Variants in RPTOR observed in about 807,000 individuals in gnomAD.
RPTOR encodes regulatory-associated protein of mTOR.
RPTOR carries 21 observed loss-of-function variants against 169.9 expected under a neutral mutation model. The observed-to-expected ratio is 0.12, with a 90% confidence interval of 0.09 to 0.18. RPTOR has a LOEUF of 0.18. Among genes scored for constraint, RPTOR ranks in the 10% least tolerant of loss-of-function variants. The pLI is 1.00. For missense variants in RPTOR, 1,133 were observed against 1,855.9 expected (o/e 0.61, Z 7.16); for synonymous variants, 732 against 753.2 (o/e 0.97, Z 0.46).
intron 2 of RPTOR, among the ~76,000 whole-genome samples, chr17:80,629,784 C>T (rs1370487938): frequency 7.2e-6 from 1 of 139,320 alleles, no homozygotes; most frequent in African/African-American, 2.6e-5. Context: ...TACCGCAGCT[C>T]TTCCATTGTG....
At chr17:80,647,732 G>A (rs1324721606) in intron 3 of RPTOR, among the ~76,000 whole-genome samples, 1 of 152,152 alleles carries the variant, frequency 6.6e-6, no homozygotes, top group Admixed American at 6.5e-5. Context: ...GGCGGAAGGC[G>A]CTCCTCAGTC....
Position 80,803,327 on chromosome 17 carries a change from A to T in RPTOR, c.890+11818A>T, listed in dbSNP as rs558057264. The T allele has an allele frequency of 6.6e-6, 1 of 152,266 alleles. No individual in the cohort carries two copies. The highest frequency in any genetic ancestry group is 2.4e-5 in the African/African-American group (1 of 41,456). 9.4% of individuals were successfully genotyped at this position (152,266 alleles called of 1,614,324 possible). ...GGTGGAGAGACTTGCTCAGGGTCAC[A>T]GAGAGTCACACGAGGGTCCCCTGTC... is the stretch of plus-strand genomic sequence containing the variant. On this transcript the variant is annotated intron_variant, in intron 7 of 33. Transcript: ENST00000306801. This position sits in a 1 kb window ranked among gnomAD's most constrained non-coding sequence, Gnocchi z 6.2.
intron 3 of RPTOR, among the ~76,000 whole-genome samples, chr17:80,656,290 C>G (rs1397315207): frequency 6.6e-6 from 1 of 152,092 alleles, no homozygotes; most frequent in Non-Finnish European, 1.5e-5. Context: ...AGGCTGGTCT[C>G]AAACTCCTTG....
intron 3 of RPTOR, among the ~76,000 whole-genome samples, chr17:80,666,342 G>T (rs1008345005): frequency 6.6e-6 from 1 of 152,152 alleles, no homozygotes; most frequent in Non-Finnish European, 1.5e-5. Context: ...CAAGCCTGCT[G>T]CAGACACAGA....
chr17:80,779,374 G>A (rs2066918288), intron 6 of RPTOR, among the ~76,000 whole-genome samples: 1 of 152,210 alleles, frequency 6.6e-6, no homozygotes, highest in African/African-American at 2.4e-5. Context: ...GTGAAAGTGT[G>A]GCGCCTCCGT....
At chr17:80,931,607 C>T (rs2068898325) in intron 24 of RPTOR, among the ~76,000 whole-genome samples, 1 of 151,726 alleles carries the variant, frequency 6.6e-6, no homozygotes, top group Non-Finnish European at 1.5e-5. Flanking sequence ...AGACAGCAAA[C>T]CCTGTCGCCC....
intron 11 of RPTOR, among the ~76,000 whole-genome samples, chr17:80,851,208 A>G (rs909556263): frequency 2.6e-5 from 4 of 152,176 alleles, no homozygotes; most frequent in Admixed American, 6.5e-5. Context: ...GCATTACAGT[A>G]TTGAGCCTCT....
intron 1 of RPTOR, among the ~76,000 whole-genome samples, chr17:80,624,792 C>T (rs1394968225): frequency 1.3e-5 from 2 of 152,148 alleles, no homozygotes; most frequent in Non-Finnish European, 2.9e-5. Context: ...ACATGTCTTC[C>T]CTCACTCAGC....
intron 10 of RPTOR, 73 bp downstream of exon 10, chr17:80,838,070 C>T (rs115978926): frequency 3.0e-6 from 4 of 1,314,988 alleles, no homozygotes; most frequent in Non-Finnish European, 4.3e-6. Context: ...CTGCAAAGCC[C>T]CCAGACTGGG....
intron 2 of RPTOR, among the ~76,000 whole-genome samples, chr17:80,627,265 C>G (rs2065403291): frequency 6.6e-6 from 1 of 152,200 alleles, no homozygotes; most frequent in Admixed American, 6.5e-5. Context: ...GGTGATCCAC[C>G]CGCCTTGGCC....
chr17:80,703,796 AG>A (rs2143075891), intron 3 of RPTOR, among the ~76,000 whole-genome samples: 1 of 152,322 alleles, frequency 6.6e-6, no homozygotes, highest in South Asian at 2.1e-4. Flanking sequence ...GTTTCTACCA[AG>A]TTAGCCAGGA....
chr17:80,961,639 C>T (rs2069343091), intron 31 of RPTOR, 159 bp downstream of exon 31: 1 of 836,940 alleles, frequency 1.2e-6, no homozygotes, highest in African/African-American at 1.7e-5. Flanking sequence ...CAGGCGCAGC[C>T]CGTAGGGGCC....
intron 1 of RPTOR, among the ~76,000 whole-genome samples, chr17:80,571,327 T>G (rs1428299443): frequency 6.6e-6 from 1 of 152,224 alleles, no homozygotes; most frequent in Non-Finnish European, 1.5e-5. Flanking sequence ...TTTTTGAAAT[T>G]AGGAAGTAAA....
chr17:80,926,804 T>C (rs2068816860), intron 24 of RPTOR, among the ~76,000 whole-genome samples: 1 of 152,168 alleles, frequency 6.6e-6, no homozygotes, highest in African/African-American at 2.4e-5. Flanking sequence ...GATTCGCAAA[T>C]GGCGCCACCC....
chr17:80,836,133 C>T (rs1010184122), intron 9 of RPTOR, among the ~76,000 whole-genome samples: 3 of 152,190 alleles, frequency 2.0e-5, no homozygotes, highest in Admixed American at 6.5e-5. Flanking sequence ...ACACGGGCTC[C>T]CTGGTCAGGC....
chr17:80,553,759 T>TA (rs1555712921), intron 1 of RPTOR, among the ~76,000 whole-genome samples: 1 of 151,756 alleles, frequency 6.6e-6, no homozygotes, highest in African/African-American at 2.4e-5. Flanking sequence ...TCTTTTTTTT[T>TA]AAGACGGAAT....
chr17:80,655,583 T>C (rs2065673382), intron 3 of RPTOR, among the ~76,000 whole-genome samples: 1 of 151,078 alleles, frequency 6.6e-6, no homozygotes, highest in Non-Finnish European at 1.5e-5. Flanking sequence ...TTAATTTTTT[T>C]TTTTTTTTGT....
chr17:80,920,763 C>G lies in RPTOR; in HGVS notation c.2521-1961C>G, dbSNP rs915454352. 3.9e-5 allele frequency among the ~76,000 whole-genome samples: 6 copies of G among 152,250 alleles called. No homozygotes were observed. The South Asian group carries it at 6.2e-4, about 16-fold the overall frequency. ...TTTGCTAAAGGCTTCATTTCAACTC[C>G]AGAAGTTTTCTGTCTTCCCCGTCAC... On this transcript the variant is annotated intron_variant, in intron 21 of 33. Coordinates refer to ENST00000306801, the MANE Select transcript of RPTOR (RefSeq NM_020761.3).
chr17:80,958,204 C>CA lies in RPTOR; in HGVS notation c.3477+474_3477+475insA, dbSNP rs1166630248. Among the ~76,000 whole-genome samples, 4 of 16,462 alleles carry CA rather than the reference C, an allele frequency of 2.4e-4. 1 individual carries two copies. Among genetic ancestry groups the CA allele is most frequent in the African/African-American group, 5.9e-4 (3 of 5,078 alleles). The allele number at this position is 16,462 out of a possible 152,430, so 10.8% of individuals were successfully genotyped here. A position where few individuals can be genotyped will look rare whatever the true frequency, so the allele number is the denominator to read the frequency against. ...AAGTGATCCTCCCACCTCACCCCCCCCCCCCACCACCAAGTAGCTGGGACT... is the reference window on the plus strand; with the variant it reads ...AAGTGATCCTCCCACCTCACCCCCCCACCCCCACCACCAAGTAGCTGGGACT... On this transcript the variant is annotated intron_variant, in intron 29 of 33. Coordinates refer to ENST00000306801, the MANE Select transcript of RPTOR (RefSeq NM_020761.3).
Sources: gnomAD v4.1 joint callset for allele counts (sites outside exome capture counted in the v4.1 genomes callset) on GRCh38, gnomAD v4.1.1 for gene constraint, Gnocchi (gnomAD v3.1) non-coding constraint, MANE v1.5 for transcripts, NCBI Gene and HGNC (gene_info 2026-07-23, HGNC 2026-07-21) for gene names.